The following ADARB2 variants were observed in gnomAD, a reference collection of about 807,000 sequenced individuals.
The protein encoded by ADARB2 is adenosine deaminase RNA specific B2 (inactive).
ADARB2 carries 25 observed loss-of-function variants against 62.2 expected under a neutral mutation model. The ratio of observed to expected loss-of-function variants is 0.40; its 90% CI spans 0.29 to 0.56. ADARB2 has a LOEUF of 0.56. Ranked by LOEUF, ADARB2 falls within the 20% of genes least tolerant of loss-of-function variation. The pLI is 0.43. For synonymous variants in ADARB2, 572 were observed against 500.8 expected (o/e 1.14, Z -1.90); for missense variants, 1,071 against 1,077.4 (o/e 0.99, Z 0.08).
chr10:1,521,618 T>G (rs1298575941), intron 1 of ADARB2, among the ~76,000 whole-genome samples: 1 of 152,256 alleles, frequency 6.6e-6, no homozygotes, highest in Non-Finnish European at 1.5e-5. Context: ...GCCTGCTACC[T>G]GGAGGCTTCA....
intron 4 of ADARB2, among the ~76,000 whole-genome samples, chr10:1,245,266 G>A (rs897753335): frequency 2.0e-5 from 3 of 152,104 alleles, no homozygotes; most frequent in East Asian, 1.9e-4. Flanking sequence ...CAGAAAATGT[G>A]CTTGAGTACC....
intron 1 of ADARB2, among the ~76,000 whole-genome samples, chr10:1,387,758 A>G (rs1298706884): frequency 6.6e-6 from 1 of 152,084 alleles, no homozygotes; most frequent in Admixed American, 6.5e-5. Context: ...GATGAGGCCA[A>G]TGTTAATCTA....
intron 1 of ADARB2, among the ~76,000 whole-genome samples, chr10:1,567,624 C>T (rs1387520912): frequency 6.6e-6 from 1 of 152,244 alleles, no homozygotes; most frequent in Non-Finnish European, 1.5e-5. Flanking sequence ...AGGCTTCGTG[C>T]TTGTGCCTCT....
intron 1 of ADARB2, among the ~76,000 whole-genome samples, chr10:1,590,126 T>C (rs921446493): frequency 1.3e-5 from 2 of 152,218 alleles, no homozygotes; most frequent in Non-Finnish European, 2.9e-5. Context: ...AGCACCTCCA[T>C]GTCTTGGGTG....
At chr10:1,209,421 T>TCACCCA in intron 7 of ADARB2, among the ~76,000 whole-genome samples, 6 of 132,300 alleles carry the variant, frequency 4.5e-5, no homozygotes, top group Non-Finnish European at 7.8e-5. Flanking sequence ...AGCAACACCG[T>TCACCCA]CACCCATGCC....
intron 1 of ADARB2, among the ~76,000 whole-genome samples, chr10:1,612,248 G>A (rs1833581808): frequency 1.3e-5 from 2 of 152,238 alleles, no homozygotes; most frequent in African/African-American, 2.4e-5. Flanking sequence ...TCTGCACCAA[G>A]CACGAATCTG....
At chr10:1,685,874 G>C (rs116788781) in intron 1 of ADARB2, among the ~76,000 whole-genome samples, 17 of 152,258 alleles carry the variant, frequency 1.1e-4, no homozygotes, top group African/African-American at 4.1e-4. Context: ...GCCCTCCAGT[G>C]GGGGAGGCTG....
chr10:1,220,278 AATGGTG>A lies in ADARB2; in HGVS notation c.1514-3165_1514-3160del, dbSNP rs1420862713. On this transcript the variant is annotated intron_variant, in intron 6 of 9. Coordinates refer to ENST00000381312, the MANE Select transcript of ADARB2 (RefSeq NM_018702.4). ...TGGTGATGATGGTGGTGATGATGGT[AATGGTG>A]ATGGTGGTGGTGATGGTGGTGATGG... Among the ~76,000 whole-genome samples, 31 of 69,016 alleles carry A rather than the reference AATGGTG, an allele frequency of 4.5e-4. 1 individual carries two copies. Among genetic ancestry groups the A allele is most frequent in the African/African-American group, 1.4e-3 (25 of 17,938 alleles). 45.3% of individuals were successfully genotyped at this position (69,016 alleles called of 152,430 possible).
intron 1 of ADARB2, among the ~76,000 whole-genome samples, chr10:1,592,101 T>C (rs1833264618): frequency 6.6e-6 from 1 of 152,220 alleles, no homozygotes; most frequent in Non-Finnish European, 1.5e-5. Context: ...TTCAAGATCT[T>C]GTTTAGGAAG....
chr10:1,392,951 C>CA (rs201782062), intron 1 of ADARB2, among the ~76,000 whole-genome samples: 102 of 150,736 alleles, frequency 6.8e-4, no homozygotes, highest in African/African-American at 1.7e-3. Flanking sequence ...TAATTGTGTT[C>CA]AAAAAAAAAC....
At chr10:1,606,248 G>A (rs1360416856) in intron 1 of ADARB2, among the ~76,000 whole-genome samples, 1 of 152,132 alleles carries the variant, frequency 6.6e-6, no homozygotes, top group Non-Finnish European at 1.5e-5. Flanking sequence ...AGTTCTCGAA[G>A]TTCTCCTCAC....
At chr10:1,645,361 A>G (rs1350252437) in intron 1 of ADARB2, among the ~76,000 whole-genome samples, 1 of 152,248 alleles carries the variant, frequency 6.6e-6, no homozygotes, top group Non-Finnish European at 1.5e-5. Flanking sequence ...ACCAGGGTAG[A>G]GATGCATGCC....
intron 4 of ADARB2, among the ~76,000 whole-genome samples, chr10:1,250,461 T>G (rs868760471): frequency 6.6e-6 from 1 of 152,154 alleles, no homozygotes; most frequent in East Asian, 1.9e-4. Context: ...TTGGCTGTAA[T>G]GAAGCCACGA....
At chr10:1,326,255 C>CGATTTTATAATTA (rs1831843979) in intron 3 of ADARB2, among the ~76,000 whole-genome samples, 2 of 152,200 alleles carry the variant, frequency 1.3e-5, no homozygotes, top group African/African-American at 4.8e-5. Flanking sequence ...GATTTTAACT[C>CGATTTTATAATTA]ACTAATTATG....
rs562881902 is a variant in ADARB2, at chr10:1,259,173, G to A, written c.1192+11782C>T. 4.0e-3 allele frequency among the ~76,000 whole-genome samples: 602 copies of A among 152,220 alleles called. 3 individuals carry two copies. Among genetic ancestry groups the A allele is most frequent in the African/African-American group, 0.012 (484 of 41,524 alleles). The stretch of plus-strand genomic sequence containing the variant: ...CAGTGTGTAGAGGGAAATTTATAGT[G>A]CTAAATGCCCACAAGAGAAAGCAGG... On this transcript the variant is annotated intron_variant, in intron 4 of 9. Coordinates refer to ENST00000381312, the MANE Select transcript of ADARB2 (RefSeq NM_018702.4).
intron 3 of ADARB2, among the ~76,000 whole-genome samples, chr10:1,307,354 G>A (rs922692777): frequency 5.8e-5 from 8 of 138,042 alleles, no homozygotes; most frequent in Admixed American, 1.6e-4. Context: ...GGCTATCAGA[G>A]AAATGCAAAT....
intron 1 of ADARB2, among the ~76,000 whole-genome samples, chr10:1,401,870 G>A (rs142117784): frequency 1.4e-4 from 21 of 152,310 alleles, no homozygotes; most frequent in African/African-American, 4.8e-4. Flanking sequence ...AGTGCCCAGA[G>A]CATTTCCACG....
At chr10:1,686,421 G>A (rs901124970) in intron 1 of ADARB2, among the ~76,000 whole-genome samples, 6 of 152,232 alleles carry the variant, frequency 3.9e-5, no homozygotes, top group Non-Finnish European at 5.9e-5. Context: ...TACAGCTGCC[G>A]CAAGCTCTTG....
At chr10:1,532,264 T>C (rs753411156) in intron 1 of ADARB2, among the ~76,000 whole-genome samples, 5 of 152,196 alleles carry the variant, frequency 3.3e-5, no homozygotes. Context: ...GAAGACATAA[T>C]GTCTATCTCT....
Sources: allele counts gnomAD v4.1 joint callset (sites outside exome capture counted in the v4.1 genomes callset), GRCh38; gene constraint gnomAD v4.1.1; transcripts MANE v1.5; gene names NCBI Gene and HGNC (gene_info 2026-07-23, HGNC 2026-07-21).